Variants in IL1RAPL1 observed in about 807,000 individuals in gnomAD.
IL1RAPL1 encodes interleukin 1 receptor accessory protein like 1, also known as interleukin-1 receptor accessory protein-like 1.
IL1RAPL1 carries 3 observed loss-of-function variants against 48.4 expected under a neutral mutation model. The observed-to-expected ratio is 0.06, with a 90% CI of 0.03 to 0.16. The LOEUF is 0.16. Among genes scored for constraint, IL1RAPL1 ranks in the 10% least tolerant of loss-of-function variants. The probability of loss-of-function intolerance (pLI) is 1.00; values close to 1 mark genes in which losing one functional copy is unlikely to be tolerated. For synonymous variants in IL1RAPL1, 185 were observed against 187.7 expected (o/e 0.99, Z 0.12); for missense variants, 349 against 530.6 (o/e 0.66, Z 3.36).
chrX:29,475,122 T>C (rs1192353893), intron 5 of IL1RAPL1, among the ~76,000 whole-genome samples: 1 of 112,438 alleles, frequency 8.9e-6, no homozygotes, highest in African/African-American at 3.2e-5. Context: ...CATTTCTTAA[T>C]TCATTTACAA....
At chrX:29,049,827 A>T (rs1487937231) in intron 2 of IL1RAPL1, among the ~76,000 whole-genome samples, 1 of 112,414 alleles carries the variant, frequency 8.9e-6, no homozygotes, top group Non-Finnish European at 1.9e-5. Context: ...TTTTTTATCC[A>T]ATTTTGCTAA....
chrX:29,931,040 TC>T (rs1274132966), intron 8 of IL1RAPL1, among the ~76,000 whole-genome samples: 1 of 111,702 alleles, frequency 9.0e-6, no homozygotes, highest in African/African-American at 3.2e-5. Context: ...GCCACAGACT[TC>T]TTCTCAAGTT....
intron 1 of IL1RAPL1, among the ~76,000 whole-genome samples, chrX:28,700,361 A>G (rs1430811769): frequency 9.0e-6 from 1 of 110,798 alleles, no homozygotes; most frequent in Non-Finnish European, 1.9e-5. Flanking sequence ...TATAATAGCT[A>G]GGTATTTTGG....
chrX:29,590,876 C>T (rs1923348629), intron 5 of IL1RAPL1, among the ~76,000 whole-genome samples: 1 of 112,389 alleles, frequency 8.9e-6, no homozygotes, highest in Non-Finnish European at 1.9e-5. Context: ...TTCTGCAGTA[C>T]TGTGCTGTGA....
At chrX:28,844,143 T>G (rs4416980) in intron 2 of IL1RAPL1, among the ~76,000 whole-genome samples, 14,420 of 106,738 alleles carry the variant, frequency 0.14, 1,863 homozygotes, top group African/African-American at 0.38. Flanking sequence ...GCTCCCCCTT[T>G]TTGAATGGCA....
chrX:29,658,677 G>A (rs1312512349), intron 5 of IL1RAPL1, among the ~76,000 whole-genome samples: 4 of 111,755 alleles, frequency 3.6e-5, no homozygotes, highest in Non-Finnish European at 5.6e-5. Flanking sequence ...AAATTTGGGT[G>A]TATACTTTTT....
chrX:29,521,049 T>G (rs73219658), intron 5 of IL1RAPL1, among the ~76,000 whole-genome samples: 1 of 111,893 alleles, frequency 8.9e-6, no homozygotes, highest in Non-Finnish European at 1.9e-5. Flanking sequence ...TAGGAAAAGA[T>G]ATGAATATCA....
At chrX:28,996,602 C>T (rs1375871211) in intron 2 of IL1RAPL1, among the ~76,000 whole-genome samples, 1 of 109,502 alleles carries the variant, frequency 9.1e-6, no homozygotes, top group Non-Finnish European at 1.9e-5. Context: ...CTGTTGATCT[C>T]CACCAACAAT....
chrX:29,640,893 A>T (rs770596527), intron 5 of IL1RAPL1, among the ~76,000 whole-genome samples: 1 of 112,270 alleles, frequency 8.9e-6, no homozygotes, highest in Non-Finnish European at 1.9e-5. Context: ...GGCCAGATGC[A>T]GTGGCTCACA....
chrX:28,770,629 G>C (rs1231361798), intron 1 of IL1RAPL1, among the ~76,000 whole-genome samples: 1 of 112,308 alleles, frequency 8.9e-6, no homozygotes, highest in Non-Finnish European at 1.9e-5. Context: ...TAATGATTTA[G>C]ACATGCAGCT....
rs112187676 is a variant in IL1RAPL1, at chrX:29,899,120, G to GGT, written c.779-18325_779-18324dup. Among the ~76,000 whole-genome samples the GGT allele has an allele frequency of 9.8e-3, 1,052 of 107,319 alleles. 20 individuals carry two copies. Among genetic ancestry groups the GGT allele is most frequent in the East Asian group, 0.068 (234 of 3,430 alleles). 93.2% of individuals were successfully genotyped at this position (107,319 alleles called of 115,157 possible). On this transcript the variant is annotated intron_variant, in intron 6 of 10. Coordinates refer to ENST00000378993, the MANE Select transcript of IL1RAPL1 (RefSeq NM_014271.4). ...ATCAGTCTGTCTTAGTATTTATTAG[G>GGT]GTGTGTGTGTGTGTGTGTGTTTTAA...
chrX:29,450,647 T>C lies in IL1RAPL1; in HGVS notation c.703+51339T>C, dbSNP rs186600027. 3.4e-3 allele frequency among the ~76,000 whole-genome samples: 381 copies of C among 111,851 alleles called. 2 individuals carry two copies. Among genetic ancestry groups the C allele is most frequent in the African/African-American group, 0.012 (358 of 30,876 alleles). On this transcript the variant is annotated intron_variant, in intron 5 of 10. Coordinates refer to ENST00000378993, the MANE Select transcript of IL1RAPL1 (RefSeq NM_014271.4). ...CATTTTAAGCCCTTAAAGAGCTAAA[T>C]CATATCCAATCATTCAACCTTTAAA...
chrX:29,481,938 T>A (rs1935045996), intron 5 of IL1RAPL1, among the ~76,000 whole-genome samples: 1 of 111,756 alleles, frequency 8.9e-6, no homozygotes, highest in South Asian at 3.8e-4. Flanking sequence ...ACAGGAACAA[T>A]TAAATGAAGA....
intron 1 of IL1RAPL1, among the ~76,000 whole-genome samples, chrX:28,767,546 T>G (rs1005786554): frequency 2.7e-5 from 3 of 111,733 alleles, no homozygotes; most frequent in African/African-American, 9.7e-5. Flanking sequence ...TTTTTTCCCT[T>G]AAGAAACAGC....
chrX:28,607,034 C>G (rs1934091855), intron 1 of IL1RAPL1, among the ~76,000 whole-genome samples: 1 of 110,065 alleles, frequency 9.1e-6, no homozygotes, highest in African/African-American at 3.3e-5. Flanking sequence ...AACGGAAAGT[C>G]TTTTGTAAAT....
At chrX:29,577,786 C>A (rs922510571) in intron 5 of IL1RAPL1, among the ~76,000 whole-genome samples, 3 of 111,937 alleles carry the variant, frequency 2.7e-5, no homozygotes, top group Non-Finnish European at 5.6e-5. Flanking sequence ...ATTGCTGGTT[C>A]TGCTATAACC....
intron 3 of IL1RAPL1, among the ~76,000 whole-genome samples, chrX:29,358,816 C>T (rs907626903): frequency 1.8e-5 from 2 of 110,187 alleles, no homozygotes; most frequent in Admixed American, 9.7e-5. Flanking sequence ...GTCAGGAGTT[C>T]GAGACCAGCC....
At chrX:28,829,897 G>A (rs762640774) in intron 2 of IL1RAPL1, among the ~76,000 whole-genome samples, 2 of 110,777 alleles carry the variant, frequency 1.8e-5, no homozygotes, top group Non-Finnish European at 3.8e-5. Context: ...TTTTGAGATG[G>A]TCATGTGGTT....
At chrX:28,605,861 C>A (rs933137260) in intron 1 of IL1RAPL1, among the ~76,000 whole-genome samples, 1 of 111,105 alleles carries the variant, frequency 9.0e-6, no homozygotes, top group Non-Finnish European at 1.9e-5. Flanking sequence ...GCCATAGGAC[C>A]TTTTCACTGG....
Sources: gnomAD v4.1 joint callset for allele counts (sites outside exome capture counted in the v4.1 genomes callset) on GRCh38, gnomAD v4.1.1 for gene constraint, MANE v1.5 for transcripts, NCBI Gene and HGNC (gene_info 2026-07-23, HGNC 2026-07-21) for gene names.